The following NFKB2 variants were observed in gnomAD, a reference collection of about 807,000 sequenced individuals.
NFKB2 encodes nuclear factor NF-kappa-B p100 subunit.
A neutral mutation model predicts 109.3 loss-of-function variants in NFKB2; 21 were observed. That is an observed-to-expected ratio of 0.19 (90% CI 0.14 to 0.28). The LOEUF (loss-of-function observed/expected upper bound fraction) is 0.28. NFKB2 is among the 10% of genes least tolerant of loss of function. The pLI is 1.00. For missense variants in NFKB2, 806 were observed against 1,185.3 expected, an observed-to-expected ratio of 0.68 and a Z score of 4.70; for synonymous variants, 478 against 489.9, an observed-to-expected ratio of 0.98 and a Z score of 0.32.
At position 102,397,297 on chromosome 10, in the gene NFKB2, C is replaced by T. The variant is rs373971415; in HGVS notation, c.396-5C>T. 12 of 1,613,664 alleles carry T rather than the reference C, an allele frequency of 7.4e-6. No individual in the cohort carries two copies. The highest frequency in any genetic ancestry group is 1.0e-5 in the Non-Finnish European group (12 of 1,179,688). ...GGCCAAAGGCCTCCGATTCTCTCTT[C>T]TCAGATTTAACAACCTGGGTGTCCT... On this transcript the variant is annotated splice_region_variant and splice_polypyrimidine_tract_variant and intron_variant, in intron 6 of 22. Transcript: ENST00000661543. The surrounding 1 kb of genome is among the most constrained non-coding windows in gnomAD (Gnocchi z 4.7).
chr10:102,398,896 G>A lies in NFKB2; in HGVS notation c.1117+32G>A. On this transcript the variant is annotated intron_variant, in intron 12 of 22. Coordinates refer to ENST00000661543, the MANE Select transcript of NFKB2 (RefSeq NM_001322934.2). This position sits in a 1 kb window ranked among gnomAD's most constrained non-coding sequence, Gnocchi z 6.6. ...GGGTACTGATGGAGGGAGGGGTAAA[G>A]GTAAGAGAAGCTGTGGAGGAAAAAA... 1 of 1,576,544 alleles carries A rather than the reference G, an allele frequency of 6.3e-7. No homozygotes were observed. Among genetic ancestry groups the A allele is most frequent in the Non-Finnish European group, 8.6e-7 (1 of 1,163,506 alleles).
chr10:102,399,704 C>G lies in NFKB2; in HGVS notation c.1455C>G (p.Asp485Glu). Residue 485 changes from aspartate (D) to glutamate (E), a missense_variant, in exon 14 of 23, where the codon GAC (aspartate) becomes GAG (glutamate). Coordinates refer to ENST00000661543, the MANE Select transcript of NFKB2 (RefSeq NM_001322934.2). ...AGQRHLLTAQ[D>E]ENGDTPLHLA... is the part of the protein sequence containing the mutation. ...AGCGCCACCTGCTGACGGCGCAGGA[C>G]GAGAACGGAGACACGTAGGCAACAG... The G allele has an allele frequency of 1.3e-6, 2 of 1,494,296 alleles. No individual in the cohort carries two copies. Among genetic ancestry groups the G allele is most frequent in the Non-Finnish European group, 1.8e-6 (2 of 1,120,282 alleles). The allele number at this position is 1,494,296 out of a possible 1,614,324, so 92.6% of individuals were successfully genotyped here.
In NFKB2 at chr10:102,402,452, C is replaced by A; in HGVS notation, c.*76C>A. The A allele has an allele frequency of 2.5e-6, 2 of 796,876 alleles. No homozygotes were observed. Among genetic ancestry groups the A allele is most frequent in the Non-Finnish European group, 4.0e-6 (2 of 502,158 alleles). 49.4% of individuals were successfully genotyped at this position (796,876 alleles called of 1,614,324 possible). A position where few individuals can be genotyped will look rare whatever the true frequency, so the allele number is the denominator to read the frequency against. ...ACCTATTTCAAATCTTATTTAACAC[C>A]CCACACCCACCCCTCAGTTGGGACA... On this transcript the variant is annotated 3_prime_UTR_variant, in exon 23 of 23. Coordinates refer to ENST00000661543, the MANE Select transcript of NFKB2 (RefSeq NM_001322934.2).
Position 102,400,155 on chromosome 10 carries a change from G to A in NFKB2, c.1545G>A (p.Gln515=), listed in dbSNP as rs776155769. 1 of 1,614,176 alleles carries A rather than the reference G, an allele frequency of 6.2e-7. No homozygotes were observed. The highest frequency in any genetic ancestry group is 1.1e-5 in the South Asian group (1 of 91,084). ...TAGTCTATGTCATCCACCACGCCCA[G>A]GACCTCGGCGTTGTCAACCTCACCA... is the stretch of plus-strand genomic sequence containing the variant. ...EQIVYVIHHA[Q]DLGVVNLTNH... The change falls in exon 15 of 23, where the codon CAG becomes CAA. Residue 515 remains glutamine, a synonymous_variant. Coordinates refer to ENST00000661543, the MANE Select transcript of NFKB2 (RefSeq NM_001322934.2). This position sits in a 1 kb window ranked among gnomAD's most constrained non-coding sequence, Gnocchi z 6.3.
Position 102,395,749 on chromosome 10 carries a change from C to T in NFKB2, c.-120C>T. Reference sequence around the variant, plus strand: ...CGGCCAAGCCCAACTCCGGATCTCGCTCTCCACCGGATCTCACCCGCCACA... The same window carrying T: ...CGGCCAAGCCCAACTCCGGATCTCGTTCTCCACCGGATCTCACCCGCCACA... On this transcript the variant is annotated 5_prime_UTR_variant, in exon 1 of 23. Coordinates refer to ENST00000661543, the MANE Select transcript of NFKB2 (RefSeq NM_001322934.2). 1.6e-6 allele frequency: 1 copy of T among 607,322 alleles called. No individual in the cohort carries two copies. 37.6% of individuals were successfully genotyped at this position (607,322 alleles called of 1,614,324 possible). A position where few individuals can be genotyped will look rare whatever the true frequency, so the allele number is the denominator to read the frequency against.
rs1003904089 is a variant in NFKB2 at position 102,402,009 on chromosome 10, C to T, written c.2467-39C>T. 3.2e-6 allele frequency: 5 copies of T among 1,575,424 alleles called. No individual in the cohort carries two copies. The African/African-American group carries it at 5.4e-5, about 17-fold the overall frequency. ...GGCCCCAGGGCTCCCGAGCACATGCCCTAACCATGACTCAGACCTCATTCC... is the reference window on the plus strand; with the variant it reads ...GGCCCCAGGGCTCCCGAGCACATGCTCTAACCATGACTCAGACCTCATTCC... On this transcript the variant is annotated intron_variant, in intron 21 of 22. Coordinates refer to ENST00000661543, the MANE Select transcript of NFKB2 (RefSeq NM_001322934.2).
chr10:102,399,961 C>A, intron 14 of NFKB2, 119 bp from the exon 15 acceptor site: 1 of 1,156,670 alleles, frequency 8.6e-7, no homozygotes, highest in Non-Finnish European at 1.2e-6. Flanking sequence ...CACAGCGATG[C>A]CCTGGGCCAC....
In NFKB2 at chr10:102,401,801, G is replaced by C. The variant is rs367889547; in HGVS notation, c.2350G>C (p.Gly784Arg). 1 of 1,613,742 alleles carries C rather than the reference G, an allele frequency of 6.2e-7. No individual in the cohort carries two copies. Among genetic ancestry groups the C allele is most frequent in the East Asian group, 2.2e-5 (1 of 44,886 alleles). The change falls in exon 21 of 23, where the codon GGG (glycine) becomes CGG (arginine). Residue 784 changes from glycine (G) to arginine (R), a missense_variant. By Grantham distance (125) the Gly-to-Arg change is moderately radical. Around this residue, in one of 10 missense-constraint regions of NFKB2, gnomAD observed 211 missense variants for 268.7 expected, o/e 0.79. Coordinates refer to ENST00000661543, the MANE Select transcript of NFKB2 (RefSeq NM_001322934.2). This position sits in a 1 kb window ranked among gnomAD's most constrained non-coding sequence, Gnocchi z 4.2. The stretch of plus-strand genomic sequence containing the variant: ...GCAGAACCTGGAGCAGCTGCTAGAC[G>C]GGCCAGAAGCCCAGGGCAGCTGGGC... ...ALQNLEQLLD[G>R]PEAQGSWAEL...
In NFKB2 at chr10:102,398,798, G is replaced by A. The variant is rs45580031; in HGVS notation, c.1051G>A (p.Gly351Arg). The A allele has an allele frequency of 3.7e-6, 6 of 1,611,448 alleles. No individual in the cohort carries two copies. The highest frequency in any genetic ancestry group is 5.1e-6 in the Non-Finnish European group (6 of 1,179,074). Residue 351 changes from glycine (G) to arginine (R), a missense_variant, in exon 12 of 23, where the codon GGG (glycine) becomes AGG (arginine). Around this residue, in one of 10 missense-constraint regions of NFKB2, gnomAD observed 209 missense variants for 211.9 expected, o/e 0.99. Transcript: ENST00000661543. This position sits in a 1 kb window ranked among gnomAD's most constrained non-coding sequence, Gnocchi z 6.6. ...KALPTFSQPF[G>R]GGSHMGGGSG... ...CTTGCCCACCTTCTCCCAGCCCTTC[G>A]GGGGTGGCTCCCACATGGGTGGAGG...
Position 102,400,969 on chromosome 10 carries a change from G to T in NFKB2, c.1991G>T (p.Arg664Leu). 1.2e-6 allele frequency: 2 copies of T among 1,613,782 alleles called. No individual in the cohort carries two copies. Among genetic ancestry groups the T allele is most frequent in the Non-Finnish European group, 8.5e-7 (1 of 1,179,890 alleles). Residue 664 changes from arginine (R) to leucine (L), a missense_variant, in exon 18 of 23, where the codon CGC becomes CTC. Physicochemically the swap from Arg to Leu is moderately radical, Grantham distance 102 (BLOSUM62 -2). Coordinates refer to ENST00000661543, the MANE Select transcript of NFKB2 (RefSeq NM_001322934.2). The surrounding 1 kb of genome is among the most constrained non-coding windows in gnomAD (Gnocchi z 6.3). ...VTKLRANVNA[R>L]TFAGNTPLHL... ...CAGCTCCGGGCCAACGTGAACGCTC[G>T]CACCTTTGCGGGAAACACACCCCTG...
chr10:102,394,601 G>C (rs2061066484), upstream of NFKB2: 1 of 152,782 alleles, frequency 6.5e-6, no homozygotes, highest in Non-Finnish European at 1.5e-5. Context: ...CGCCGCCACG[G>C]TGAGTGGCTG....
In NFKB2 at chr10:102,400,722, T is replaced by A. The variant is rs765336822; in HGVS notation, c.1866T>A (p.Ser622Arg). The change falls in exon 17 of 23, where the codon AGT (serine) becomes AGA (arginine). Residue 622 changes from serine (S) to arginine (R), a missense_variant. Around this residue, in one of 10 missense-constraint regions of NFKB2, gnomAD observed 163 missense variants for 207.1 expected, o/e 0.79. Coordinates refer to ENST00000661543, the MANE Select transcript of NFKB2 (RefSeq NM_001322934.2). The surrounding 1 kb of genome is among the most constrained non-coding windows in gnomAD (Gnocchi z 6.3). Reference protein sequence around the residue: ...SPECLDLLVDSGAEVEATERQ... With the variant: ...SPECLDLLVDRGAEVEATERQ... ...AGTGCCTGGATCTGCTGGTGGACAG[T>A]GGGGCTGAAGTGGAGGCCACAGAGC... 1.9e-6 allele frequency: 3 copies of A among 1,613,722 alleles called. No individual in the cohort carries two copies. Among genetic ancestry groups the A allele is most frequent in the Admixed American group, 3.3e-5 (2 of 59,972 alleles).
In NFKB2 at chr10:102,397,164, GC is replaced by G; in HGVS notation, c.395+113del. The G allele has an allele frequency of 6.4e-7, 1 of 1,551,068 alleles. No individual in the cohort carries two copies. Among genetic ancestry groups the G allele is most frequent in the Non-Finnish European group, 8.8e-7 (1 of 1,140,746 alleles). ...TGACCAAGGGGAAAGATGTAGGTTGGCCCCAAACCCAAGGGCCTAAGTAGAA... is the reference window on the plus strand; with the variant it reads ...TGACCAAGGGGAAAGATGTAGGTTGGCCCAAACCCAAGGGCCTAAGTAGAA... On this transcript the variant is annotated intron_variant, in intron 6 of 22. Coordinates refer to ENST00000661543, the MANE Select transcript of NFKB2 (RefSeq NM_001322934.2). This position sits in a 1 kb window ranked among gnomAD's most constrained non-coding sequence, Gnocchi z 4.7.
In NFKB2 at chr10:102,396,370, C is replaced by T. The variant is rs757250696; in HGVS notation, c.103+36C>T. 3.1e-6 allele frequency: 5 copies of T among 1,613,102 alleles called. No individual in the cohort carries two copies. The South Asian group carries it at 3.3e-5, about 11-fold the overall frequency. On this transcript the variant is annotated intron_variant, in intron 3 of 22. Transcript: ENST00000661543. This position sits in a 1 kb window ranked among gnomAD's most constrained non-coding sequence, Gnocchi z 5.9. ...TCACTAACCTCCCCTAGTCCTAAAG[C>T]GGGGGAGGGAGAGCATGTGCCCTCT...
intron 14 of NFKB2, 98 bp from the exon 15 acceptor site, chr10:102,399,982 C>T: frequency 7.7e-7 from 1 of 1,297,806 alleles, no homozygotes; most frequent in Non-Finnish European, 1.1e-6. Flanking sequence ...GTGCTGGGTT[C>T]CATGGGCCCC....
At position 102,402,507 on chromosome 10, in the gene NFKB2, C is replaced by T. The variant is rs2135444491; in HGVS notation, c.*131C>T. On this transcript the variant is annotated 3_prime_UTR_variant, in exon 23 of 23. Transcript: ENST00000661543. ...AAGGATTCTCATGGGAAGGGGAGGA[C>T]CCCTCCTTCCCAACTTATGGCAGCC... The T allele has an allele frequency of 3.4e-6, 2 of 590,678 alleles. No homozygotes were observed. Among genetic ancestry groups the T allele is most frequent in the East Asian group, 5.9e-5 (2 of 33,754 alleles). 36.6% of individuals were successfully genotyped at this position (590,678 alleles called of 1,614,324 possible). A position where few individuals can be genotyped will look rare whatever the true frequency, so the allele number is the denominator to read the frequency against.
intron 21 of NFKB2, 30 bp from the exon 22 acceptor site, chr10:102,402,018 G>A: frequency 6.4e-7 from 1 of 1,572,942 alleles, no homozygotes; most frequent in Non-Finnish European, 8.6e-7. Context: ...CCCTAACCAT[G>A]ACTCAGACCT....
Position 102,399,432 on chromosome 10 carries a change from C to T in NFKB2, c.1262C>T (p.Ala421Val), listed in dbSNP as rs780831146. 3.3e-6 allele frequency: 5 copies of T among 1,519,982 alleles called. No homozygotes were observed. The highest frequency in any genetic ancestry group is 3.8e-4 in the Middle Eastern group (2 of 5,272). 94.2% of individuals were successfully genotyped at this position (1,519,982 alleles called of 1,614,324 possible). The stretch of plus-strand genomic sequence containing the variant: ...AGCAGGGACTCCGGGGAGGAAGCCG[C>T]GGAGCCAAGCGCCCCCTCCAGGACC... ...VPSRDSGEEAAEPSAPSRTPQ... is the reference protein window; with the variant it reads ...VPSRDSGEEAVEPSAPSRTPQ... Residue 421 changes from alanine to valine, a missense_variant, in exon 13 of 23, where the codon GCG (alanine) becomes GTG (valine). Transcript: ENST00000661543.
At chr10:102,399,246 A>G (rs1392063423) in intron 12 of NFKB2, 42 bp from the exon 13 acceptor site, 1 of 1,518,770 alleles carries the variant, frequency 6.6e-7, no homozygotes. Flanking sequence ...TGGGAGAGTC[A>G]TGGCTGGTGC....
Sources: gnomAD v4.1 joint callset for allele counts on GRCh38, gnomAD v4.1.1 for gene constraint, gnomAD v4.1.1 regional missense constraint, Gnocchi (gnomAD v3.1) non-coding constraint, MANE v1.5 for transcripts, NCBI Gene and HGNC (gene_info 2026-07-23, HGNC 2026-07-21) for gene names.